LMBRD1: variants seen among roughly 807,000 people sequenced by gnomAD.
The protein encoded by LMBRD1 is LMBR1 domain containing 1.
In LMBRD1, 64 loss-of-function variants were observed where a neutral mutation model predicts 74.8. That is an observed-to-expected ratio of 0.86 (90% CI 0.70 to 1.05). The LOEUF is 1.05. LMBRD1 is among the 50% of genes least tolerant of loss of function. The pLI is 0.00. For missense variants in LMBRD1, 652 were observed against 645.9 expected (o/e 1.01, Z -0.10); for synonymous variants, 204 against 216.3 (o/e 0.94, Z 0.50).
At chr6:69,786,486 C>T (rs1582163560) in intron 2 of LMBRD1, among the ~76,000 whole-genome samples, 1 of 147,478 alleles carries the variant, frequency 6.8e-6, no homozygotes, top group African/African-American at 2.5e-5. Flanking sequence ...GTGTCGATTT[C>T]TTTTTTTTTT....
At chr6:69,734,726 C>T (rs1470049809) in intron 7 of LMBRD1, among the ~76,000 whole-genome samples, 5 of 152,128 alleles carry the variant, frequency 3.3e-5, no homozygotes, top group Non-Finnish European at 7.3e-5. Context: ...GACTAATTGA[C>T]GTAAACAAAA....
intron 5 of LMBRD1, among the ~76,000 whole-genome samples, chr6:69,743,418 T>C (rs982622591): frequency 2.0e-5 from 3 of 152,186 alleles, no homozygotes; most frequent in Non-Finnish European, 4.4e-5. Flanking sequence ...TAAAATTAAT[T>C]AACCCTTGCT....
intron 1 of LMBRD1, 84 bp downstream of exon 1, chr6:69,796,729 G>A: frequency 7.7e-7 from 1 of 1,294,146 alleles, no homozygotes; most frequent in Non-Finnish European, 1.1e-6. Context: ...GGGTCTCCGG[G>A]GCCCGGAGAG....
chr6:69,750,108 A>G (rs1765093682), intron 4 of LMBRD1, among the ~76,000 whole-genome samples: 1 of 146,420 alleles, frequency 6.8e-6, no homozygotes, highest in Non-Finnish European at 1.5e-5. Context: ...ATATACATAT[A>G]TAAGTATATA....
intron 3 of LMBRD1, among the ~76,000 whole-genome samples, chr6:69,772,532 A>G (rs1192459939): frequency 2.6e-5 from 4 of 152,162 alleles, no homozygotes; most frequent in Non-Finnish European, 5.9e-5. Flanking sequence ...TCCAACTGGA[A>G]ACAAATTCTT....
intron 4 of LMBRD1, among the ~76,000 whole-genome samples, chr6:69,751,212 C>T (rs1040194759): frequency 6.6e-6 from 1 of 152,094 alleles, no homozygotes; most frequent in African/African-American, 2.4e-5. Flanking sequence ...TTCTAAGATG[C>T]TCCTGAATTA....
intron 9 of LMBRD1, chr6:69,706,087 G>A: frequency 1.5e-6 from 1 of 672,624 alleles, no homozygotes; most frequent in East Asian, 3.1e-5. Flanking sequence ...ATCTTTGTCA[G>A]CCTGTAGTTC....
chr6:69,684,756 A>G (rs961392252), intron 14 of LMBRD1, among the ~76,000 whole-genome samples: 2 of 152,150 alleles, frequency 1.3e-5, no homozygotes, highest in Non-Finnish European at 2.9e-5. Context: ...GCTGAGCAGC[A>G]GAATCAGAAA....
At chr6:69,717,227 G>C (rs967692319) in intron 8 of LMBRD1, among the ~76,000 whole-genome samples, 1 of 152,008 alleles carries the variant, frequency 6.6e-6, no homozygotes, top group Non-Finnish European at 1.5e-5. Flanking sequence ...TTTGTCAGTT[G>C]ATTATTTTAG....
intron 14 of LMBRD1, among the ~76,000 whole-genome samples, chr6:69,688,919 T>C (rs1361085986): frequency 2.6e-5 from 4 of 152,134 alleles, no homozygotes; most frequent in African/African-American, 4.8e-5. Flanking sequence ...CTTGTATGTA[T>C]TGCTATTTAA....
chr6:69,773,961 G>T (rs1307939130), intron 3 of LMBRD1, among the ~76,000 whole-genome samples: 2 of 152,236 alleles, frequency 1.3e-5, no homozygotes, highest in South Asian at 2.1e-4. Flanking sequence ...TGAACTATAT[G>T]ATTCAATTTA....
In LMBRD1 at chr6:69,790,479, T is replaced by C. The variant is rs1276796156; in HGVS notation, c.70-7A>G. 8 of 1,613,386 alleles carry C rather than the reference T, an allele frequency of 5.0e-6. No individual in the cohort carries two copies. The highest frequency in any genetic ancestry group is 1.7e-5 in the Admixed American group (1 of 60,016). On this transcript the variant is annotated splice_region_variant and splice_polypyrimidine_tract_variant and intron_variant, in intron 1 of 15. Coordinates refer to ENST00000649934, the MANE Select transcript of LMBRD1 (RefSeq NM_018368.4). ...AGCAGAATGCCAAAATAGCCTGAAA[T>C]AGAACAAAAAGAGATGTTTGTTACT... is the stretch of plus-strand genomic sequence containing the variant.
At chr6:69,780,165 T>C (rs1765799018) in intron 3 of LMBRD1, among the ~76,000 whole-genome samples, 1 of 147,356 alleles carries the variant, frequency 6.8e-6, no homozygotes, top group South Asian at 2.2e-4. Context: ...ATGACATGCC[T>C]GGTCAAACCA....
chr6:69,679,149 T>C (rs917942069), intron 14 of LMBRD1, among the ~76,000 whole-genome samples: 1 of 151,980 alleles, frequency 6.6e-6, no homozygotes, highest in Non-Finnish European at 1.5e-5. Context: ...TTCCTATCTA[T>C]TGAGCCCCCA....
At chr6:69,769,771 C>CA (rs1765542258) in intron 3 of LMBRD1, among the ~76,000 whole-genome samples, 1 of 149,994 alleles carries the variant, frequency 6.7e-6, no homozygotes, top group Non-Finnish European at 1.5e-5. Flanking sequence ...TATCCCAGCT[C>CA]AAAAAAATAT....
In LMBRD1 at chr6:69,780,438, C is replaced by A; in HGVS notation, c.307+56G>T. ...CCTGGGGTTCTCCACTCATCGGAGT[C>A]GTATCAGTATTTTGGTTAGCAGTCC... On this transcript the variant is annotated intron_variant, in intron 3 of 15. Coordinates refer to ENST00000649934, the MANE Select transcript of LMBRD1 (RefSeq NM_018368.4). The A allele has an allele frequency of 2.4e-6, 3 of 1,258,046 alleles. No homozygotes were observed. In the South Asian group the frequency reaches 3.6e-5, roughly 15 times the overall value. The allele number at this position is 1,258,046 out of a possible 1,614,324, so 77.9% of individuals were successfully genotyped here. A position where few individuals can be genotyped will look rare whatever the true frequency, so the allele number is the denominator to read the frequency against.
chr6:69,682,737 T>C (rs963305750), intron 14 of LMBRD1, among the ~76,000 whole-genome samples: 2 of 151,996 alleles, frequency 1.3e-5, no homozygotes, highest in African/African-American at 4.8e-5. Context: ...ACGGATATAC[T>C]AGAAAATATT....
chr6:69,704,386 C>T (rs575516228), intron 9 of LMBRD1, among the ~76,000 whole-genome samples: 1 of 152,102 alleles, frequency 6.6e-6, no homozygotes, highest in East Asian at 1.9e-4. Flanking sequence ...CCTTCCCCAT[C>T]ATTTACTAAT....
intron 3 of LMBRD1, among the ~76,000 whole-genome samples, chr6:69,779,185 C>CAAAAAAAAAA (rs11397050): frequency 3.1e-4 from 31 of 100,086 alleles, no homozygotes; most frequent in African/African-American, 1.2e-3. Context: ...GACTCAGTCT[C>CAAAAAAAAAA]AAAAAAAAAA....
Sources: gnomAD v4.1 joint callset for allele counts (sites outside exome capture counted in the v4.1 genomes callset) on GRCh38, gnomAD v4.1.1 for gene constraint, MANE v1.5 for transcripts, NCBI Gene and HGNC (gene_info 2026-07-23, HGNC 2026-07-21) for gene names.